Variants in TRIOBP observed in about 807,000 individuals in gnomAD.
TRIOBP encodes the protein TRIO and F-actin binding protein.
A neutral mutation model predicts 238.8 loss-of-function variants in TRIOBP; 169 were observed. That is an observed-to-expected ratio of 0.71 (90% CI 0.62 to 0.80). The LOEUF (loss-of-function observed/expected upper bound fraction) is 0.80. Among genes scored for constraint, TRIOBP ranks in the 30% least tolerant of loss-of-function variants. The pLI is 0.00. For synonymous variants in TRIOBP, 1,150 were observed against 1,274.4 expected, an observed-to-expected ratio of 0.90 and a Z score of 2.08; for missense variants, 2,838 against 3,122.6, an observed-to-expected ratio of 0.91 and a Z score of 2.17.
chr22:37,716,527 T>G (rs1481639633), intron 6 of TRIOBP, among the ~76,000 whole-genome samples: 1 of 152,104 alleles, frequency 6.6e-6, no homozygotes, highest in Non-Finnish European at 1.5e-5. Context: ...CCTCCTGGGT[T>G]CAAGAGATTC....
chr22:37,725,980 G>T lies in TRIOBP; in HGVS notation c.3424G>T (p.Ala1142Ser), dbSNP rs745749363. 1 of 1,602,720 alleles carries T rather than the reference G, an allele frequency of 6.2e-7. No homozygotes were observed. Among genetic ancestry groups the T allele is most frequent in the East Asian group, 2.3e-5 (1 of 44,148 alleles). The change falls in exon 7 of 24, where the codon GCC becomes TCC. Residue 1142 changes from alanine to serine, a missense_variant. By Grantham distance (99) the Ala-to-Ser change is moderately conservative (BLOSUM62 1). Transcript: ENST00000644935. ...PSLLFQDLPRASTESLVPSMD... is the reference protein window; with the variant it reads ...PSLLFQDLPRSSTESLVPSMD... ...CCTCTTATTCCAGGACCTCCCCAGG[G>T]CCAGCACAGAGAGCCTTGTCCCTTC...
At chr22:37,729,763 A>G (rs760267379) in intron 7 of TRIOBP, among the ~76,000 whole-genome samples, 6 of 152,198 alleles carry the variant, frequency 3.9e-5, no homozygotes, top group Non-Finnish European at 8.8e-5. Flanking sequence ...GGAAGTTTTC[A>G]TAATTTTACT....
chr22:37,723,380 T>C lies in TRIOBP; in HGVS notation c.824T>C (p.Ile275Thr). The C allele has an allele frequency of 6.2e-7, 1 of 1,613,476 alleles. No homozygotes were observed. Among genetic ancestry groups the C allele is most frequent in the Non-Finnish European group, 8.5e-7 (1 of 1,179,858 alleles). The part of the protein sequence containing the change: ...DTAQAASTRE[I>T]PRASSPHRIT... ...GCTCAGGCTGCCTCTACACGTGAAA[T>C]CCCCAGAGCCTCCTCTCCCCATCGA... Residue 275 changes from isoleucine to threonine, a missense_variant, in exon 7 of 24, where the codon ATC (isoleucine) becomes ACC (threonine). This residue lies in a region of TRIOBP where 535 missense variants were observed against 537.3 expected (regional missense o/e 1.00). Transcript: ENST00000644935.
rs369772582 is a variant in TRIOBP at position 37,748,252 on chromosome 22, T to A, written c.5323-3520T>A. Among the ~76,000 whole-genome samples the A allele has an allele frequency of 3.7e-4, 56 of 152,316 alleles. 3 individuals are homozygous for A. In the South Asian group the frequency reaches 8.9e-3, roughly 24 times the overall value. On this transcript the variant is annotated intron_variant, in intron 11 of 23. Transcript: ENST00000644935. The stretch of plus-strand genomic sequence containing the variant: ...CCTGGCTGCCATGCAGACCTCAGCC[T>A]GCTCTCAGCTGGTGCTCCTCCTGTA...
rs527894233 is a variant in TRIOBP at position 37,726,323 on chromosome 22, C to T, written c.3767C>T (p.Ala1256Val). Residue 1256 changes from alanine to valine, a missense_variant, in exon 7 of 24, where the codon GCG (alanine) becomes GTG (valine). Coordinates refer to ENST00000644935, the MANE Select transcript of TRIOBP (RefSeq NM_001039141.3). ...PGSSGGSRGSAPPGETRHNLE... is the reference protein window; with the variant it reads ...PGSSGGSRGSVPPGETRHNLE... ...AGCTCTGGGGGCTCCCGGGGCTCAG[C>T]GCCTCCCGGGGAGACCAGGCACAAC... 281 of 1,612,528 alleles carry T rather than the reference C, an allele frequency of 1.7e-4. 3 individuals are homozygous for T. In the South Asian group the frequency reaches 2.4e-3, roughly 14 times the overall value.
intron 4 of TRIOBP, among the ~76,000 whole-genome samples, chr22:37,711,826 A>G (rs1923264462): frequency 6.6e-6 from 1 of 151,966 alleles, no homozygotes; most frequent in African/African-American, 2.4e-5. Flanking sequence ...ACTTATTATC[A>G]TCGTGTAGGC....
rs770935016 is a variant in TRIOBP, at chr22:37,768,094, G to A, written c.6493G>A (p.Ala2165Thr). The A allele has an allele frequency of 1.9e-5, 30 of 1,613,080 alleles. 1 individual carries two copies. In the South Asian group the frequency reaches 3.1e-4, roughly 17 times the overall value. Residue 2165 changes from alanine (A) to threonine (T), a missense_variant, in exon 19 of 24, where the codon GCC (alanine) becomes ACC (threonine). By Grantham distance (58) the Ala-to-Thr change is moderately conservative. Around this residue, in one of 5 missense-constraint regions of TRIOBP, gnomAD observed 2,096 missense variants for 2,137.4 expected, o/e 0.98. Coordinates refer to ENST00000644935, the MANE Select transcript of TRIOBP (RefSeq NM_001039141.3). Reference protein sequence around the residue: ...TASAIEAMKKAYQEELSRELS... With the variant: ...TASAIEAMKKTYQEELSRELS... ...TCCAGCCATTGAAGCCATGAAGAAG[G>A]CCTACCAGGAAGAGCTGAGCCGAGA...
intron 7 of TRIOBP, among the ~76,000 whole-genome samples, chr22:37,727,213 T>C (rs1317617802): frequency 4.0e-5 from 6 of 148,598 alleles, no homozygotes; most frequent in Non-Finnish European, 7.4e-5. Context: ...CCGGCCAAAA[T>C]GAGAGTGAAC....
intron 6 of TRIOBP, among the ~76,000 whole-genome samples, chr22:37,717,942 G>C (rs905902499): frequency 6.6e-6 from 1 of 152,238 alleles, no homozygotes; most frequent in Non-Finnish European, 1.5e-5. Flanking sequence ...GGAGGCGGGG[G>C]GAAGCTCAGG....
At chr22:37,708,393 A>C (rs2145817102) in intron 3 of TRIOBP, among the ~76,000 whole-genome samples, 1 of 151,634 alleles carries the variant, frequency 6.6e-6, no homozygotes, top group East Asian at 1.9e-4. Flanking sequence ...TCTACTAAAA[A>C]TAGAAAAATT....
rs772735698 is a variant in TRIOBP at position 37,769,082 on chromosome 22, G to A, written c.6630G>A (p.Ser2210=). 128 of 1,613,558 alleles carry A rather than the reference G, an allele frequency of 7.9e-5. 2 individuals carry two copies. In the South Asian group the frequency reaches 1.1e-3, roughly 14 times the overall value. ...TGCAGGTGCTATCGGAGCAGTACTC[G>A]CAGAAGTGCCTGGAGATTGGGGCAC... ...RELQVLSEQY[S]QKCLEIGALM... is the part of the protein sequence containing the mutation. Residue 2210 remains serine, a synonymous_variant, in exon 20 of 24, where the codon TCG becomes TCA. Transcript: ENST00000644935.
chr22:37,700,518 T>G (rs1033366558), intron 2 of TRIOBP, among the ~76,000 whole-genome samples: 6 of 150,850 alleles, frequency 4.0e-5, no homozygotes, highest in Non-Finnish European at 8.9e-5. Flanking sequence ...CAGACTCAGG[T>G]GATCCTCCCA....
intron 6 of TRIOBP, among the ~76,000 whole-genome samples, chr22:37,716,194 C>T (rs1316646374): frequency 6.6e-6 from 1 of 151,510 alleles, no homozygotes; most frequent in Admixed American, 6.6e-5. Context: ...TCACTGCAAC[C>T]TTTGCCTCCC....
intron 6 of TRIOBP, among the ~76,000 whole-genome samples, chr22:37,722,399 G>A (rs564954594): frequency 6.8e-6 from 1 of 147,814 alleles, no homozygotes; most frequent in Admixed American, 6.9e-5. Flanking sequence ...TTGCACTCTA[G>A]CCTGGGTGAC....
At chr22:37,772,904 A>G (rs1346502960) in intron 23 of TRIOBP, 140 bp downstream of exon 23, 3 of 1,068,622 alleles carry the variant, frequency 2.8e-6, no homozygotes, top group African/African-American at 3.2e-5. Context: ...CAATGAAACC[A>G]GCAACACGGG....
At position 37,725,366 on chromosome 22, in the gene TRIOBP, T is replaced by C. The variant is rs756191680; in HGVS notation, c.2810T>C (p.Ile937Thr). ...CAAAGCGAGGTTCCCTGGGCATCCA[T>C]CGCCCTCCGGCCAACCCAAGGTGAC... ...SKQSEVPWAS[I>T]ALRPTQGDRP... Residue 937 changes from isoleucine (I) to threonine (T), a missense_variant, in exon 7 of 24, where the codon ATC becomes ACC. Ile to Thr is a moderately conservative substitution (Grantham distance 89, BLOSUM62 -1). Around this residue, in one of 5 missense-constraint regions of TRIOBP, gnomAD observed 2,096 missense variants for 2,137.4 expected, o/e 0.98. Coordinates refer to ENST00000644935, the MANE Select transcript of TRIOBP (RefSeq NM_001039141.3). The C allele has an allele frequency of 1.8e-5, 29 of 1,612,942 alleles. No individual in the cohort carries two copies. Among genetic ancestry groups the C allele is most frequent in the South Asian group, 1.8e-4 (16 of 91,060 alleles).
chr22:37,744,510 G>T (rs1427326760), intron 11 of TRIOBP, among the ~76,000 whole-genome samples: 2 of 152,192 alleles, frequency 1.3e-5, no homozygotes, highest in East Asian at 3.8e-4. Context: ...CTTTGAGCAG[G>T]GAAGTGGTCT....
intron 11 of TRIOBP, chr22:37,750,610 G>A (rs1436539950): frequency 1.9e-5 from 9 of 470,716 alleles, no homozygotes; most frequent in Middle Eastern, 3.2e-4. Context: ...GTTCTCGGCC[G>A]TGAGCAGAGC....
At chr22:37,732,582 G>A (rs1424886476) in intron 7 of TRIOBP, among the ~76,000 whole-genome samples, 1 of 147,606 alleles carries the variant, frequency 6.8e-6, no homozygotes, top group African/African-American at 2.5e-5. Context: ...CAGGGAGAAT[G>A]TTTCTTTCTT....
Sources: gnomAD v4.1 joint callset for allele counts (sites outside exome capture counted in the v4.1 genomes callset) on GRCh38, gnomAD v4.1.1 for gene constraint, gnomAD v4.1.1 regional missense constraint, MANE v1.5 for transcripts, NCBI Gene and HGNC (gene_info 2026-07-23, HGNC 2026-07-21) for gene names.